The following ANXA4 variants were observed in gnomAD, a reference collection of about 807,000 sequenced individuals.
ANXA4 encodes the protein annexin A4.
Under a neutral mutation model 49.8 loss-of-function variants are expected in ANXA4, and 39 were observed. The observed-to-expected ratio is 0.78, with a 90% CI of 0.61 to 1.02. ANXA4 has a LOEUF of 1.02. ANXA4 is among the 50% of genes least tolerant of loss of function. ANXA4 has a pLI of 0.00. For synonymous variants in ANXA4, 134 were observed against 152.5 expected, an observed-to-expected ratio of 0.88 and a Z score of 0.89; for missense variants, 360 against 410.1, an observed-to-expected ratio of 0.88 and a Z score of 1.05.
intron 1 of ANXA4, among the ~76,000 whole-genome samples, chr2:69,760,033 C>T (rs935584543): frequency 2.0e-5 from 3 of 152,048 alleles, no homozygotes; most frequent in African/African-American, 7.2e-5. Flanking sequence ...GGGGTTTCAC[C>T]GTGTTAGCCA....
At chr2:69,716,666 GA>G (rs1261562622) in intron 2 of ANXA4, among the ~76,000 whole-genome samples, 4 of 152,130 alleles carry the variant, frequency 2.6e-5, no homozygotes, top group African/African-American at 9.7e-5. Context: ...AGCACAACAG[GA>G]GGGCAGCGGA....
chr2:69,708,968 T>C (rs950996398), intron 2 of ANXA4, among the ~76,000 whole-genome samples: 4 of 152,192 alleles, frequency 2.6e-5, no homozygotes, highest in African/African-American at 7.2e-5. Context: ...TATTATTTCT[T>C]TGTCTCTTAG....
At chr2:69,728,679 G>A (rs1286842006) in intron 3 of ANXA4, among the ~76,000 whole-genome samples, 3 of 152,184 alleles carry the variant, frequency 2.0e-5, no homozygotes, top group Non-Finnish European at 4.4e-5. Context: ...GACCAGAAAG[G>A]TGAGGGCCTG....
At chr2:69,685,391 A>G (rs1319367683) in intron 2 of ANXA4, among the ~76,000 whole-genome samples, 6 of 152,156 alleles carry the variant, frequency 3.9e-5, no homozygotes, top group Admixed American at 3.9e-4. Context: ...AGACAGAGAG[A>G]TATAAACTGA....
chr2:69,780,693 G>A (rs1216491843), intron 1 of ANXA4, among the ~76,000 whole-genome samples: 1 of 152,188 alleles, frequency 6.6e-6, no homozygotes, highest in Admixed American at 6.5e-5. Flanking sequence ...AGAGGGCTAT[G>A]ATTGCACCAC....
chr2:69,820,951 T>C, intron 12 of ANXA4, 130 bp downstream of exon 12: 1 of 1,023,606 alleles, frequency 9.8e-7, no homozygotes, highest in Non-Finnish European at 1.4e-6. Flanking sequence ...CTCCCGATAT[T>C]TCCAGTCTCT....
intron 3 of ANXA4, among the ~76,000 whole-genome samples, chr2:69,724,094 C>G (rs1669894104): frequency 6.6e-6 from 1 of 151,872 alleles, no homozygotes; most frequent in African/African-American, 2.4e-5. Flanking sequence ...CACTACAGCC[C>G]GGGCAACAAG....
chr2:69,670,090 A>G (rs146572186), intron 2 of ANXA4, among the ~76,000 whole-genome samples: 49 of 152,312 alleles, frequency 3.2e-4, no homozygotes, highest in African/African-American at 1.2e-3. Flanking sequence ...GCACAAAGTG[A>G]AAGTTTACCA....
chr2:69,718,358 C>A (rs1187936250), intron 2 of ANXA4, among the ~76,000 whole-genome samples: 1 of 152,170 alleles, frequency 6.6e-6, no homozygotes, highest in African/African-American at 2.4e-5. Flanking sequence ...GTCATTTCAC[C>A]CTTCCTTCTT....
At chr2:69,778,345 T>C (rs746667242) in intron 1 of ANXA4, among the ~76,000 whole-genome samples, 8 of 152,268 alleles carry the variant, frequency 5.3e-5, no homozygotes, top group Non-Finnish European at 7.3e-5. Flanking sequence ...TAGCAGCCTA[T>C]GCTGGGCCTG....
chr2:69,785,073 G>T (rs1487932609), intron 2 of ANXA4, among the ~76,000 whole-genome samples: 1 of 152,156 alleles, frequency 6.6e-6, no homozygotes, highest in African/African-American at 2.4e-5. Context: ...CAATAACGGG[G>T]CCCAAGGAAG....
chr2:69,795,366 A>G (rs1051519550), intron 3 of ANXA4, among the ~76,000 whole-genome samples: 9 of 152,168 alleles, frequency 5.9e-5, no homozygotes, highest in Non-Finnish European at 1.0e-4. Context: ...TAAATCTAGG[A>G]CTATAAACCA....
rs775786094 is a variant in ANXA4 at position 69,819,283 on chromosome 2, A to G, written c.728A>G (p.Lys243Arg). 5.0e-6 allele frequency: 8 copies of G among 1,601,304 alleles called. No individual in the cohort carries two copies. Among genetic ancestry groups the G allele is most frequent in the East Asian group, 4.5e-5 (2 of 44,692 alleles). ...SFEDALLAIV[K>R]CMRNKSAYFA... ...CTTCTTTTTTTTTCTTTGACAGTAA[A>G]GTGCATGAGGAACAAATCTGCATAT... Residue 243 changes from lysine to arginine, a missense_variant, in exon 11 of 13, where the codon AAG becomes AGG. Coordinates refer to ENST00000394295, the MANE Select transcript of ANXA4 (RefSeq NM_001153.5).
rs756720359 is a variant in ANXA4 at position 69,820,840 on chromosome 2, A to C, written c.906+19A>C. ...CATCAAGGTAGGTCACAGCAGCCTA[A>C]GTCCAGAGTAAAGGATCCAGAAAAG... On this transcript the variant is annotated intron_variant, in intron 12 of 12. Coordinates refer to ENST00000394295, the MANE Select transcript of ANXA4 (RefSeq NM_001153.5). 3 of 1,612,218 alleles carry C rather than the reference A, an allele frequency of 1.9e-6. No individual in the cohort carries two copies. The highest frequency in any genetic ancestry group is 3.3e-5 in the Admixed American group (2 of 59,822).
At chr2:69,681,778 A>G (rs374364790) in intron 2 of ANXA4, among the ~76,000 whole-genome samples, 5 of 151,296 alleles carry the variant, frequency 3.3e-5, no homozygotes, top group African/African-American at 1.2e-4. Flanking sequence ...ATTTCATTTA[A>G]TTCTGCTCTG....
intron 2 of ANXA4, among the ~76,000 whole-genome samples, chr2:69,660,822 T>C (rs551717201): frequency 6.6e-6 from 1 of 150,516 alleles, no homozygotes; most frequent in East Asian, 2.0e-4. Flanking sequence ...AGTTGAGATA[T>C]GGAAGATAGG....
chr2:69,805,343 C>T (rs1465986101), intron 4 of ANXA4, among the ~76,000 whole-genome samples: 2 of 152,070 alleles, frequency 1.3e-5, no homozygotes, highest in Non-Finnish European at 2.9e-5. Flanking sequence ...GTGGCTCACA[C>T]CTGTAATCCT....
chr2:69,699,297 G>T (rs1318699710), intron 2 of ANXA4, among the ~76,000 whole-genome samples: 1 of 152,166 alleles, frequency 6.6e-6, no homozygotes, highest in Non-Finnish European at 1.5e-5. Context: ...GGAGTTAAAA[G>T]ATCAAAGATG....
intron 3 of ANXA4, among the ~76,000 whole-genome samples, chr2:69,725,048 T>C (rs910870684): frequency 5.3e-5 from 8 of 152,160 alleles, no homozygotes; most frequent in African/African-American, 1.9e-4. Flanking sequence ...CCTTTTCTTC[T>C]CCCTCTGACT....
Sources: gnomAD v4.1 joint callset for allele counts (sites outside exome capture counted in the v4.1 genomes callset) on GRCh38, gnomAD v4.1.1 for gene constraint, MANE v1.5 for transcripts, NCBI Gene and HGNC (gene_info 2026-07-23, HGNC 2026-07-21) for gene names.